Variants in GMEB2 observed in about 807,000 individuals in gnomAD.
GMEB2 encodes the protein glucocorticoid modulatory element binding protein 2, also known as glucocorticoid modulatory element-binding protein 2.
GMEB2 carries 7 observed loss-of-function variants against 45.7 expected under a neutral mutation model. That is an observed-to-expected ratio of 0.15 (90% CI 0.09 to 0.29). The LOEUF (loss-of-function observed/expected upper bound fraction) is 0.29, where lower values mean the gene tolerates loss of function less well. GMEB2 is among the 10% of genes least tolerant of loss of function. The pLI is 1.00. For missense variants in GMEB2, 582 were observed against 739.2 expected (o/e 0.79, Z 2.47); for synonymous variants, 322 against 323.6 (o/e 1.00, Z 0.05).
intron 1 of GMEB2, among the ~76,000 whole-genome samples, chr20:63,625,178 CCTT>C (rs2089662548): frequency 6.6e-6 from 1 of 152,096 alleles, no homozygotes; most frequent in South Asian, 2.1e-4. Flanking sequence ...CTCCACAGCT[CCTT>C]CTTTGTTTTT....
intron 1 of GMEB2, among the ~76,000 whole-genome samples, chr20:63,623,108 G>C (rs773444477): frequency 2.0e-5 from 3 of 152,182 alleles, no homozygotes; most frequent in Admixed American, 1.3e-4. Flanking sequence ...AATATTCCCC[G>C]TTTCCTGTTT....
At chr20:63,598,420 C>T (rs980895251) in intron 4 of GMEB2, among the ~76,000 whole-genome samples, 1 of 151,852 alleles carries the variant, frequency 6.6e-6, no homozygotes, top group Admixed American at 6.6e-5. Flanking sequence ...CTAATTTCAC[C>T]CATGTGGGAG....
chr20:63,592,695 TG>T lies in GMEB2; in HGVS notation c.692-26del. 6.2e-7 allele frequency: 1 copy of T among 1,607,720 alleles called. No individual in the cohort carries two copies. The highest frequency in any genetic ancestry group is 8.5e-7 in the Non-Finnish European group (1 of 1,175,430). ...TCTGTGAGGGAAGGAGTGGGTTCAG[TG>T]GGCAGGGAAAGTGCTGCTACACGGG... On this transcript the variant is annotated intron_variant, in intron 7 of 9. Transcript: ENST00000370077. The surrounding 1 kb of genome is among the most constrained non-coding windows in gnomAD (Gnocchi z 8.2).
In GMEB2 at chr20:63,599,819, C is replaced by T. The variant is rs182805113; in HGVS notation, c.358-1959G>A. On this transcript the variant is annotated intron_variant, in intron 4 of 9. Transcript: ENST00000370077. ...GGACTCACTGCCTGCTCCCGTCTGC[C>T]CCCTTGCCCCCGCCTAGACCTGTGC... 6.6e-5 allele frequency among the ~76,000 whole-genome samples: 10 copies of T among 152,300 alleles called. No homozygotes were observed. The East Asian group carries it at 1.7e-3, about 26-fold the overall frequency.
chr20:63,605,692 C>A (rs866084320), intron 2 of GMEB2, among the ~76,000 whole-genome samples: 1 of 151,500 alleles, frequency 6.6e-6, no homozygotes, highest in South Asian at 2.1e-4. Flanking sequence ...CAGTGGCTCA[C>A]GCCTGTAATC....
At chr20:63,600,851 A>C (rs902990751) in intron 4 of GMEB2, among the ~76,000 whole-genome samples, 1 of 151,736 alleles carries the variant, frequency 6.6e-6, no homozygotes, top group East Asian at 1.9e-4. Flanking sequence ...CTGTTTTCTC[A>C]TGAGTAGAGT....
Position 63,593,000 on chromosome 20 carries a change from G to A in GMEB2, c.691+11C>T. The A allele has an allele frequency of 6.3e-7, 1 of 1,590,446 alleles. No individual in the cohort carries two copies. Among genetic ancestry groups the A allele is most frequent in the Non-Finnish European group, 8.6e-7 (1 of 1,161,658 alleles). ...GGGCTTGTGAGAAGCCCACAAGGAGGAACCTCGTACCTCCAATGGCCGCGG... is the reference window on the plus strand; with the variant it reads ...GGGCTTGTGAGAAGCCCACAAGGAGAAACCTCGTACCTCCAATGGCCGCGG... On this transcript the variant is annotated intron_variant, in intron 7 of 9. Coordinates refer to ENST00000370077, the MANE Select transcript of GMEB2 (RefSeq NM_012384.5). The surrounding 1 kb of genome is among the most constrained non-coding windows in gnomAD (Gnocchi z 8.2).
At chr20:63,623,627 G>C (rs753720097) in intron 1 of GMEB2, among the ~76,000 whole-genome samples, 4 of 150,374 alleles carry the variant, frequency 2.7e-5, no homozygotes, top group Non-Finnish European at 4.4e-5. Flanking sequence ...GTGAAACCCC[G>C]TCTCTACTAA....
chr20:63,588,471 T>G lies in GMEB2; in HGVS notation c.*1618A>C. 1 of 325,430 alleles carries G rather than the reference T, an allele frequency of 3.1e-6. No homozygotes were observed. The highest frequency in any genetic ancestry group is 5.6e-6 in the Non-Finnish European group (1 of 179,680). 20.2% of individuals were successfully genotyped at this position (325,430 alleles called of 1,614,324 possible). A position where few individuals can be genotyped will look rare whatever the true frequency, so the allele number is the denominator to read the frequency against. On this transcript the variant is annotated 3_prime_UTR_variant, in exon 10 of 10. Coordinates refer to ENST00000370077, the MANE Select transcript of GMEB2 (RefSeq NM_012384.5). The stretch of plus-strand genomic sequence containing the variant: ...GTGGAAATGAGTTTAAAACGGAGTA[T>G]GTACATCAAAAGATCAACATCACGC...
At chr20:63,601,133 AAAT>A (rs1395362045) in intron 4 of GMEB2, among the ~76,000 whole-genome samples, 2 of 152,248 alleles carry the variant, frequency 1.3e-5, no homozygotes, top group Admixed American at 1.3e-4. Context: ...TAACATAAAT[AAAT>A]AACATGAAAT....
intron 1 of GMEB2, among the ~76,000 whole-genome samples, chr20:63,622,958 G>T (rs1163933285): frequency 1.3e-5 from 2 of 152,172 alleles, no homozygotes; most frequent in African/African-American, 4.8e-5. Flanking sequence ...GGCGGGGAGG[G>T]CTGTGGTAGG....
In GMEB2 at chr20:63,592,622, T is replaced by C. The variant is rs1156827531; in HGVS notation, c.740A>G (p.Asp247Gly). The change falls in exon 8 of 10, where the codon GAC becomes GGC. Residue 247 changes from aspartate (D) to glycine (G), a missense_variant. Around this residue, in one of 3 missense-constraint regions of GMEB2, gnomAD observed 462 missense variants for 586.7 expected, o/e 0.79. Transcript: ENST00000370077. The surrounding 1 kb of genome is among the most constrained non-coding windows in gnomAD (Gnocchi z 8.2). ...WRGLKDAGLL[D>G]EVIQEFHQEL... is the part of the protein sequence containing the mutation. ...CTGGTGGAACTCCTGGATGACCTCG[T>C]CCAGCAGGCCGGCGTCCTTCAGCCC... is the stretch of plus-strand genomic sequence containing the variant. 1 of 1,612,864 alleles carries C rather than the reference T, an allele frequency of 6.2e-7. No individual in the cohort carries two copies. The highest frequency in any genetic ancestry group is 1.7e-5 in the Admixed American group (1 of 59,998).
In GMEB2 at chr20:63,619,185, T is replaced by G; in HGVS notation, c.131+82A>C. 4 of 1,334,874 alleles carry G rather than the reference T, an allele frequency of 3.0e-6. No homozygotes were observed. The South Asian group carries it at 6.0e-5, about 20-fold the overall frequency. The allele number at this position is 1,334,874 out of a possible 1,614,324, so 82.7% of individuals were successfully genotyped here. On this transcript the variant is annotated intron_variant, in intron 2 of 9. Transcript: ENST00000370077. The surrounding 1 kb of genome is among the most constrained non-coding windows in gnomAD (Gnocchi z 4.6). ...CTAGAAAAATCCTGACACTTGTCCCTTACTACGTTAATGCCAGCTGTGCCA... is the reference window on the plus strand; with the variant it reads ...CTAGAAAAATCCTGACACTTGTCCCGTACTACGTTAATGCCAGCTGTGCCA...
chr20:63,592,135 A>G lies in GMEB2; in HGVS notation c.839T>C (p.Leu280Pro). 1 of 1,613,442 alleles carries G rather than the reference A, an allele frequency of 6.2e-7. No homozygotes were observed. The highest frequency in any genetic ancestry group is 1.7e-4 in the Middle Eastern group (1 of 6,060). ...GAAGTTCTGCACGATGTTGTTGAGA[A>G]GTACAGCATCTTAAAGGGTAACGCG... ...DPPLQLRDAV[L>P]LNNIVQNFGM... The change falls in exon 9 of 10, where the codon CTT becomes CCT. Residue 280 changes from leucine (L) to proline (P), a missense_variant. By Grantham distance (98) the Leu-to-Pro change is moderately conservative. This residue lies in a region of GMEB2 where 462 missense variants were observed against 586.7 expected (regional missense o/e 0.79). Transcript: ENST00000370077. This position sits in a 1 kb window ranked among gnomAD's most constrained non-coding sequence, Gnocchi z 8.2.
At chr20:63,626,604 C>T (rs2089675433) in intron 1 of GMEB2, among the ~76,000 whole-genome samples, 1 of 150,942 alleles carries the variant, frequency 6.6e-6, no homozygotes, top group African/African-American at 2.4e-5. Context: ...TGGGTCGCGT[C>T]CCTGCGGGTC....
At position 63,590,146 on chromosome 20, in the gene GMEB2, C is replaced by T; in HGVS notation, c.1536G>A (p.Glu512=). The T allele has an allele frequency of 6.4e-7, 1 of 1,566,268 alleles. No homozygotes were observed. ...CCACCTCAATGGTGGCCGTGTGCTCCTCAGGCCCGGGGGCAGCCCCTGCGG... is the reference window on the plus strand; with the variant it reads ...CCACCTCAATGGTGGCCGTGTGCTCTTCAGGCCCGGGGGCAGCCCCTGCGG... ...TVPAGAAPGP[E]EHTATIEVAA... The change falls in exon 10 of 10, where the codon GAG becomes GAA. Residue 512 remains glutamate, a synonymous_variant. Coordinates refer to ENST00000370077, the MANE Select transcript of GMEB2 (RefSeq NM_012384.5).
At chr20:63,620,285 G>T (rs534317235) in intron 1 of GMEB2, among the ~76,000 whole-genome samples, 6 of 151,236 alleles carry the variant, frequency 4.0e-5, no homozygotes, top group African/African-American at 1.4e-4. Flanking sequence ...CAGTGATAAT[G>T]GCTGTCCTGG....
intron 1 of GMEB2, among the ~76,000 whole-genome samples, chr20:63,620,530 G>A (rs1200008448): frequency 6.6e-6 from 1 of 152,190 alleles, no homozygotes; most frequent in Non-Finnish European, 1.5e-5. Flanking sequence ...CGCCTGGGTC[G>A]TCCCAAGACA....
At chr20:63,614,414 G>A (rs991027380) in intron 2 of GMEB2, among the ~76,000 whole-genome samples, 4 of 152,206 alleles carry the variant, frequency 2.6e-5, no homozygotes, top group Non-Finnish European at 2.9e-5. Context: ...TTGGTCTAGC[G>A]GTAACGCCAG....
Sources: allele counts gnomAD v4.1 joint callset (sites outside exome capture counted in the v4.1 genomes callset), GRCh38; gene constraint gnomAD v4.1.1; regional missense constraint gnomAD v4.1.1; non-coding constraint Gnocchi (gnomAD v3.1); transcripts MANE v1.5; gene names NCBI Gene and HGNC (gene_info 2026-07-23, HGNC 2026-07-21).